The following SLC12A5 variants were observed in gnomAD, a reference collection of about 807,000 sequenced individuals.
The protein encoded by SLC12A5 is solute carrier family 12 member 5, also known as K-Cl cotransporter 2.
Under a neutral mutation model 124.0 loss-of-function variants are expected in SLC12A5, and 18 were observed. The observed-to-expected ratio is 0.15, with a 90% CI of 0.10 to 0.22. The LOEUF (loss-of-function observed/expected upper bound fraction) is 0.22. Among genes scored for constraint, SLC12A5 ranks in the 10% least tolerant of loss-of-function variants. SLC12A5 has a pLI of 1.00. For missense variants in SLC12A5, 867 were observed against 1,478.7 expected (o/e 0.59, Z 6.78); for synonymous variants, 589 against 568.0 (o/e 1.04, Z -0.53).
chr20:46,050,851 C>A (rs895451276), intron 17 of SLC12A5, among the ~76,000 whole-genome samples: 1 of 152,186 alleles, frequency 6.6e-6, no homozygotes, highest in Non-Finnish European at 1.5e-5. Context: ...ACATCAGGGT[C>A]GTACAATGTG....
chr20:46,047,961 A>T lies in SLC12A5; in HGVS notation c.1908-20A>T. On this transcript the variant is annotated intron_variant, in intron 15 of 25. Coordinates refer to ENST00000243964, the MANE Select transcript of SLC12A5 (RefSeq NM_020708.5). The stretch of plus-strand genomic sequence containing the variant: ...CCTCCTGGCTTTCTGCTCTCATGTG[A>T]TCCACTTCCCGGCTCCCAGGGCAGA... 6.3e-7 allele frequency: 1 copy of T among 1,592,504 alleles called. No individual in the cohort carries two copies. Among genetic ancestry groups the T allele is most frequent in the Non-Finnish European group, 8.6e-7 (1 of 1,168,836 alleles).
In SLC12A5 at chr20:46,057,591, A is replaced by C. The variant is rs1600608306; in HGVS notation, c.3337A>C (p.Thr1113Pro). ...CCGCGGCGGCGGCCGCGAGGTCATC[A>C]CCATCTACTCCTGAGAACCAGGACC... ...LVRGGGREVI[T>P]IYS The change falls in exon 26 of 26, where the codon ACC becomes CCC. Residue 1113 changes from threonine to proline, a missense_variant. Physicochemically the swap from Thr to Pro is conservative, Grantham distance 38. Around this residue, in one of 9 missense-constraint regions of SLC12A5, gnomAD observed 180 missense variants for 243.6 expected, o/e 0.74. Transcript: ENST00000243964. This position sits in a 1 kb window ranked among gnomAD's most constrained non-coding sequence, Gnocchi z 7.1. 6.2e-7 allele frequency: 1 copy of C among 1,613,560 alleles called. No homozygotes were observed. Among genetic ancestry groups the C allele is most frequent in the Non-Finnish European group, 8.5e-7 (1 of 1,179,816 alleles).
chr20:46,031,975 G>C (rs1221632177), intron 1 of SLC12A5, among the ~76,000 whole-genome samples: 1 of 152,246 alleles, frequency 6.6e-6, no homozygotes, highest in African/African-American at 2.4e-5. Context: ...GGCGTTCAGG[G>C]AGGGGACGAA....
Position 46,035,513 on chromosome 20 carries a change from GT to G in SLC12A5, c.258del (p.Gly87GlufsTer64), listed in dbSNP as rs1236121145. On this transcript the variant is annotated frameshift_variant, in exon 3 of 26. Transcript: ENST00000243964. LOFTEE classifies it high-confidence loss of function. ...CATGAAGAGGCAGAAAACAATGAGGGTGGAAAAAAGAAGCCGGTGCAGGTGA... is the reference window on the plus strand; with the variant it reads ...CATGAAGAGGCAGAAAACAATGAGGGGGAAAAAAGAAGCCGGTGCAGGTGA... ...REHEEAENNE[G>X]GKKKPVQAPR... is the part of the protein sequence containing the mutation. The G allele has an allele frequency of 6.2e-7, 1 of 1,612,712 alleles. No homozygotes were observed. The highest frequency in any genetic ancestry group is 8.5e-7 in the Non-Finnish European group (1 of 1,179,444).
intron 2 of SLC12A5, chr20:46,023,250 C>A: frequency 5.0e-6 from 2 of 398,294 alleles, no homozygotes; most frequent in South Asian, 1.3e-4. Flanking sequence ...TGGGCTCCTT[C>A]CACTCTTCAT....
At chr20:46,034,830 C>T in intron 1 of SLC12A5, 118 bp from the exon 2 acceptor site, 2 of 872,768 alleles carry the variant, frequency 2.3e-6, no homozygotes, top group Non-Finnish European at 1.9e-6. Flanking sequence ...GGTATTAGCC[C>T]CATTTTCCCA....
At position 46,040,404 on chromosome 20, in the gene SLC12A5, A is replaced by G. The variant is rs1453486986; in HGVS notation, c.644A>G (p.Lys215Arg). The part of the protein sequence containing the change: ...AYLFPAMAIF[K>R]AEDASGEAAA... Reference sequence around the variant, plus strand: ...CTCTTCCCAGCCATGGCCATCTTCAAGGCAGAAGATGCCAGTGGGGAGGCA... The same window carrying G: ...CTCTTCCCAGCCATGGCCATCTTCAGGGCAGAAGATGCCAGTGGGGAGGCA... Residue 215 changes from lysine (K) to arginine (R), a missense_variant, in exon 7 of 26, where the codon AAG becomes AGG. Physicochemically the swap from Lys to Arg is conservative, Grantham distance 26. Around this residue, in one of 9 missense-constraint regions of SLC12A5, gnomAD observed 126 missense variants for 291.6 expected, o/e 0.43. Coordinates refer to ENST00000243964, the MANE Select transcript of SLC12A5 (RefSeq NM_020708.5). The G allele has an allele frequency of 1.2e-6, 2 of 1,614,060 alleles. No individual in the cohort carries two copies. Among genetic ancestry groups the G allele is most frequent in the Admixed American group, 1.7e-5 (1 of 60,010 alleles).
rs117504621 is a variant in SLC12A5, at chr20:46,032,406, T to C, written c.53-2542T>C. Among the ~76,000 whole-genome samples the C allele has an allele frequency of 4.5e-3, 682 of 152,276 alleles. 5 individuals carry two copies. The highest frequency in any genetic ancestry group is 7.2e-3 in the Non-Finnish European group (490 of 68,008). On this transcript the variant is annotated intron_variant, in intron 1 of 25. Transcript: ENST00000243964. ...CTGCGGGGAAATGGACCCAGCTCCA[T>C]AGGAGACAGGACCCCAAAATCTTGC...
At position 46,055,018 on chromosome 20, in the gene SLC12A5, C is replaced by T. The variant is rs751455156; in HGVS notation, c.2782C>T (p.Arg928Trp). ...GCATTTAACCAAGAATGAGCGGGAG[C>T]GGGAGGTGAGGTTGCCCTGGCTGGC... ...QMHLTKNERE[R>W]EIQSITDESR... Residue 928 changes from arginine (R) to tryptophan (W), a missense_variant, in exon 21 of 26, where the codon CGG becomes TGG. By Grantham distance (101) the Arg-to-Trp change is moderately radical. Transcript: ENST00000243964. The T allele has an allele frequency of 1.9e-6, 3 of 1,613,736 alleles. No individual in the cohort carries two copies. The highest frequency in any genetic ancestry group is 2.2e-5 in the East Asian group (1 of 44,880).
chr20:46,040,735 T>C, intron 7 of SLC12A5, 121 bp downstream of exon 7: 1 of 1,446,882 alleles, frequency 6.9e-7, no homozygotes, highest in Non-Finnish European at 9.3e-7. Flanking sequence ...GGGTTGGGAG[T>C]AGCTTCCCTT....
chr20:46,026,213 G>A (rs1038445940), upstream of SLC12A5, among the ~76,000 whole-genome samples: 2 of 152,220 alleles, frequency 1.3e-5, no homozygotes, highest in African/African-American at 4.8e-5. Context: ...GCTTCTCTGA[G>A]CTTTTTTCTC....
rs532210413 is a variant in SLC12A5 at position 46,057,093 on chromosome 20, G to A, written c.3126-77G>A. ...GAACCAGTCCCCAGCAGCCCAGTTCGGGCTGGAAGGGCGACTGGCTCCAAT... is the reference window on the plus strand; with the variant it reads ...GAACCAGTCCCCAGCAGCCCAGTTCAGGCTGGAAGGGCGACTGGCTCCAAT... On this transcript the variant is annotated intron_variant, in intron 24 of 25. Transcript: ENST00000243964. The surrounding 1 kb of genome is among the most constrained non-coding windows in gnomAD (Gnocchi z 7.1). The A allele has an allele frequency of 1.2e-6, 2 of 1,603,836 alleles. No individual in the cohort carries two copies. The highest frequency in any genetic ancestry group is 4.5e-5 in the East Asian group (2 of 44,672).
At chr20:46,052,260 T>C (rs1455470075) in intron 18 of SLC12A5, among the ~76,000 whole-genome samples, 1 of 152,230 alleles carries the variant, frequency 6.6e-6, no homozygotes, top group African/African-American at 2.4e-5. Context: ...TCGTAGGTAA[T>C]AGTATATATA....
At chr20:46,029,513 CG>C in intron 1 of SLC12A5, 117 bp downstream of exon 1, 1 of 1,140,010 alleles carries the variant, frequency 8.8e-7, no homozygotes, top group Non-Finnish European at 1.2e-6. Flanking sequence ...CTGACCCGGG[CG>C]GTGGGCGCCA....
chr20:46,043,734 A>G lies in SLC12A5; in HGVS notation c.1336+3A>G. The stretch of plus-strand genomic sequence containing the variant: ...CATCGCCACCACCTCTGCTGTCTGT[A>G]TCCTGCACAGCTGTGCTGGGACCAC... On this transcript the variant is annotated splice_donor_region_variant and intron_variant, in intron 10 of 25. Transcript: ENST00000243964. The G allele has an allele frequency of 6.2e-7, 1 of 1,614,154 alleles. No individual in the cohort carries two copies. Among genetic ancestry groups the G allele is most frequent in the Non-Finnish European group, 8.5e-7 (1 of 1,180,008 alleles).
rs1175869873 is a variant in SLC12A5 at position 46,049,668 on chromosome 20, G to T, written c.2059G>T (p.Val687Leu). Residue 687 changes from valine to leucine, a missense_variant, in exon 17 of 26, where the codon GTG becomes TTG. Transcript: ENST00000243964. ...LVRVDQDQNV[V>L]HPQLLSLTSQ... ...GCGTGTGGACCAAGACCAGAATGTGGTGCACCCCCAGCTGCTCTCACTGAC... is the reference window on the plus strand; with the variant it reads ...GCGTGTGGACCAAGACCAGAATGTGTTGCACCCCCAGCTGCTCTCACTGAC... 6.2e-7 allele frequency: 1 copy of T among 1,606,530 alleles called. No homozygotes were observed. Among genetic ancestry groups the T allele is most frequent in the Admixed American group, 1.7e-5 (1 of 58,864 alleles).
At chr20:46,046,648 C>T (rs901196947) in intron 14 of SLC12A5, among the ~76,000 whole-genome samples, 7 of 152,196 alleles carry the variant, frequency 4.6e-5, no homozygotes, top group South Asian at 4.1e-4. Context: ...GCATCATAAG[C>T]GGTCTCAGCT....
intron 11 of SLC12A5, among the ~76,000 whole-genome samples, chr20:46,044,456 G>A (rs1178429835): frequency 1.3e-5 from 2 of 152,180 alleles, no homozygotes; most frequent in Admixed American, 6.5e-5. Context: ...GGCTAGAAGT[G>A]TCTTATACAC....
chr20:46,041,646 C>A lies in SLC12A5; in HGVS notation c.1066+106C>A, dbSNP rs2084548962. On this transcript the variant is annotated intron_variant, in intron 8 of 25. Transcript: ENST00000243964. ...TTGGGATTCAGCTAAATTCAATCAG[C>A]TTTAATTGAGCACCTACTCTGAGTT... 4 of 1,184,136 alleles carry A rather than the reference C, an allele frequency of 3.4e-6. No individual in the cohort carries two copies. The Admixed American group carries it at 8.0e-5, about 24-fold the overall frequency. The allele number at this position is 1,184,136 out of a possible 1,614,324, so 73.4% of individuals were successfully genotyped here.
Sources: allele counts gnomAD v4.1 joint callset (sites outside exome capture counted in the v4.1 genomes callset), GRCh38; gene constraint gnomAD v4.1.1; regional missense constraint gnomAD v4.1.1; non-coding constraint Gnocchi (gnomAD v3.1); transcripts MANE v1.5; gene names NCBI Gene and HGNC (gene_info 2026-07-23, HGNC 2026-07-21).